The following EYS variants were observed in gnomAD, a reference collection of about 807,000 sequenced individuals.
EYS encodes the protein protein eyes shut homolog.
Under a neutral mutation model 282.1 loss-of-function variants are expected in EYS, and 250 were observed. The observed-to-expected ratio is 0.89, with a 90% CI of 0.80 to 0.98. The LOEUF (loss-of-function observed/expected upper bound fraction) is 0.98. Ranked by LOEUF, EYS falls within the 50% of genes least tolerant of loss-of-function variation. The pLI is 0.00. For synonymous variants in EYS, 1,355 were observed against 1,282.9 expected, an observed-to-expected ratio of 1.06 and a Z score of -1.20; for missense variants, 4,016 against 3,709.0, an observed-to-expected ratio of 1.08 and a Z score of -2.15.
chr6:64,924,346 G>T (rs1252231178), intron 15 of EYS, among the ~76,000 whole-genome samples: 1 of 152,160 alleles, frequency 6.6e-6, no homozygotes, highest in Non-Finnish European at 1.5e-5. Context: ...TGGTGACCCT[G>T]GGCCCAGCCC....
chr6:65,555,168 C>T (rs1292322932), intron 2 of EYS, among the ~76,000 whole-genome samples: 1 of 152,022 alleles, frequency 6.6e-6, no homozygotes, highest in East Asian at 1.9e-4. Context: ...TGATTTCTGA[C>T]CAAATAATAA....
At chr6:65,313,668 C>A (rs1437493651) in intron 11 of EYS, among the ~76,000 whole-genome samples, 1 of 152,002 alleles carries the variant, frequency 6.6e-6, no homozygotes, top group Non-Finnish European at 1.5e-5. Flanking sequence ...AGAATATATC[C>A]AGAATCTGAT....
chr6:65,161,256 T>C (rs1259698101), intron 12 of EYS, among the ~76,000 whole-genome samples: 1 of 151,042 alleles, frequency 6.6e-6, no homozygotes, highest in Non-Finnish European at 1.5e-5. Context: ...TCTGCCAGCA[T>C]GTAAGTTTCT....
At chr6:65,329,453 T>C (rs1769716349) in intron 11 of EYS, 3 of 951,936 alleles carry the variant, frequency 3.2e-6, no homozygotes, top group Non-Finnish European at 3.8e-6. Context: ...AGAGAAAATA[T>C]ATCAGTGTAT....
chr6:64,320,346 T>A (rs1770168739), intron 29 of EYS, among the ~76,000 whole-genome samples: 1 of 151,828 alleles, frequency 6.6e-6, no homozygotes, highest in Admixed American at 6.6e-5. Context: ...GGTCATTGAG[T>A]CTATGGGTTG....
intron 8 of EYS, among the ~76,000 whole-genome samples, chr6:65,356,244 G>A (rs1015319398): frequency 2.6e-5 from 4 of 152,064 alleles, no homozygotes; most frequent in African/African-American, 9.7e-5. Flanking sequence ...TTCGAATTAA[G>A]TCCTGTCTAA....
At chr6:64,837,725 A>G (rs932952767) in intron 19 of EYS, among the ~76,000 whole-genome samples, 3 of 148,966 alleles carry the variant, frequency 2.0e-5, no homozygotes, top group African/African-American at 4.9e-5. Context: ...CCACCAAAAA[A>G]CTTTTGGAAT....
At chr6:65,662,758 C>T (rs1768050263) in intron 1 of EYS, among the ~76,000 whole-genome samples, 2 of 151,960 alleles carry the variant, frequency 1.3e-5, no homozygotes, top group African/African-American at 4.8e-5. Context: ...TTAATATCTG[C>T]TAGCATTATC....
chr6:64,570,167 C>T (rs1310977157), intron 26 of EYS, among the ~76,000 whole-genome samples: 1 of 152,128 alleles, frequency 6.6e-6, no homozygotes, highest in Non-Finnish European at 1.5e-5. Context: ...TAATTTCAAC[C>T]CAGAATTTCA....
chr6:65,474,858 C>T (rs1239135628), intron 5 of EYS, among the ~76,000 whole-genome samples: 1 of 151,876 alleles, frequency 6.6e-6, no homozygotes, highest in Non-Finnish European at 1.5e-5. Flanking sequence ...ATTAAAAGTG[C>T]TCAAAGAACT....
intron 29 of EYS, among the ~76,000 whole-genome samples, chr6:64,351,569 A>C (rs1771642259): frequency 6.6e-6 from 1 of 151,542 alleles, no homozygotes; most frequent in Non-Finnish European, 1.5e-5. Flanking sequence ...TATCACAATC[A>C]TTTAAGAAGA....
chr6:65,433,249 A>G (rs1014114299), intron 5 of EYS, among the ~76,000 whole-genome samples: 2 of 152,186 alleles, frequency 1.3e-5, no homozygotes, highest in Non-Finnish European at 1.5e-5. Context: ...CTGGAGTCCA[A>G]GTGAAGACGG....
intron 13 of EYS, among the ~76,000 whole-genome samples, chr6:65,001,632 G>A (rs1365657091): frequency 1.4e-5 from 2 of 146,590 alleles, no homozygotes; most frequent in East Asian, 2.1e-4. Flanking sequence ...TTGAGGATGC[G>A]GCCTTTGCCA....
rs1052543580 is a variant in EYS at position 64,686,631 on chromosome 6, C to A, written c.3444-60386G>T. Among the ~76,000 whole-genome samples, 7 of 149,014 alleles carry A rather than the reference C, an allele frequency of 4.7e-5. No individual in the cohort carries two copies. The Admixed American group carries it at 4.7e-4, about 10-fold the overall frequency. On this transcript the variant is annotated intron_variant, in intron 22 of 42. Transcript: ENST00000503581. ...TGGCCGGCCCCTGTAGTCCCAGCTACTCGGGAGGCTGAGGCAGGAGAATGA... is the reference window on the plus strand; with the variant it reads ...TGGCCGGCCCCTGTAGTCCCAGCTAATCGGGAGGCTGAGGCAGGAGAATGA...
intron 16 of EYS, among the ~76,000 whole-genome samples, chr6:64,910,510 A>G (rs190435503): frequency 6.6e-6 from 1 of 152,222 alleles, no homozygotes; most frequent in Non-Finnish European, 1.5e-5. Flanking sequence ...AATGATGTGC[A>G]TTTCAAGTAT....
intron 26 of EYS, among the ~76,000 whole-genome samples, chr6:64,486,883 T>C (rs1326819862): frequency 1.3e-5 from 2 of 151,336 alleles, no homozygotes; most frequent in Non-Finnish European, 3.0e-5. Flanking sequence ...GCAAAGAGCC[T>C]ACAGCCATTC....
chr6:64,656,411 T>C (rs532335190), intron 22 of EYS, among the ~76,000 whole-genome samples: 2 of 152,098 alleles, frequency 1.3e-5, no homozygotes, highest in Non-Finnish European at 2.9e-5. Context: ...ATGGAGAATA[T>C]GGTAGGTCTT....
At chr6:63,808,454 C>T (rs947204505) in intron 36 of EYS, among the ~76,000 whole-genome samples, 3 of 152,096 alleles carry the variant, frequency 2.0e-5, no homozygotes, top group African/African-American at 7.2e-5. Context: ...AAGTGTGAAT[C>T]ATAGATTAGA....
intron 8 of EYS, among the ~76,000 whole-genome samples, chr6:65,372,681 G>A (rs527773873): frequency 6.6e-6 from 1 of 151,922 alleles, no homozygotes; most frequent in Non-Finnish European, 1.5e-5. Flanking sequence ...TATTAATATT[G>A]AGAATGCAAT....
Sources: gnomAD v4.1 joint callset for allele counts (sites outside exome capture counted in the v4.1 genomes callset) on GRCh38, gnomAD v4.1.1 for gene constraint, MANE v1.5 for transcripts, NCBI Gene and HGNC (gene_info 2026-07-23, HGNC 2026-07-21) for gene names.